STK24: variants seen among roughly 807,000 people sequenced by gnomAD.
STK24 encodes the protein serine/threonine kinase 24.
In STK24, 21 loss-of-function variants were observed where a neutral mutation model predicts 55.6. The ratio of observed to expected loss-of-function variants is 0.38; its 90% CI spans 0.27 to 0.54. The LOEUF (loss-of-function observed/expected upper bound fraction) is 0.54, where lower values mean the gene tolerates loss of function less well. STK24 is among the 20% of genes least tolerant of loss of function. The pLI is 0.79. For synonymous variants in STK24, 200 were observed against 215.2 expected (o/e 0.93, Z 0.62); for missense variants, 383 against 538.4 (o/e 0.71, Z 2.86).
At chr13:98,511,901 A>ATTTT (rs10641055) in intron 2 of STK24, among the ~76,000 whole-genome samples, 3,568 of 141,160 alleles carry the variant, frequency 0.025, 159 homozygotes, top group African/African-American at 0.089. Flanking sequence ...TTTTACAGTA[A>ATTTT]TTTTTTTTTT....
intron 1 of STK24, among the ~76,000 whole-genome samples, chr13:98,575,605 A>C (rs1336978972): frequency 6.6e-6 from 1 of 152,226 alleles, no homozygotes; most frequent in East Asian, 1.9e-4. Flanking sequence ...CCCCAGAGGC[A>C]GTCCCAGGTC....
chr13:98,456,326 AT>A (rs1893451845), intron 10 of STK24: 1 of 362,658 alleles, frequency 2.8e-6, no homozygotes, highest in African/African-American at 2.1e-5. Context: ...AGACCCAGAA[AT>A]CCCCCTCATG....
rs1892959392 is a variant in STK24 at position 98,447,961 on chromosome 13, A to G, written c.*5212T>C. The stretch of plus-strand genomic sequence containing the variant: ...GGAGGTAGCGTTCTCCCCAGCAACC[A>G]GAGGCCACCTCGCTCCTAACTGCTC... On this transcript the variant is annotated 3_prime_UTR_variant, in exon 11 of 11. Coordinates refer to ENST00000539966, the MANE Select transcript of STK24 (RefSeq NM_001032296.4). The G allele has an allele frequency of 2.0e-6, 1 of 489,046 alleles. No individual in the cohort carries two copies. The highest frequency in any genetic ancestry group is 3.7e-5 in the Admixed American group (1 of 27,290). 30.3% of individuals were successfully genotyped at this position (489,046 alleles called of 1,614,324 possible). A position where few individuals can be genotyped will look rare whatever the true frequency, so the allele number is the denominator to read the frequency against.
intron 2 of STK24, among the ~76,000 whole-genome samples, chr13:98,506,045 A>T (rs1336651386): frequency 6.6e-6 from 1 of 152,250 alleles, no homozygotes; most frequent in Non-Finnish European, 1.5e-5. Context: ...GAAAAAGCTT[A>T]CCTACAAATT....
chr13:98,555,320 G>A (rs1260784549), intron 1 of STK24, among the ~76,000 whole-genome samples: 14 of 151,918 alleles, frequency 9.2e-5, no homozygotes, highest in Non-Finnish European at 2.1e-4. Context: ...AGTGGCTCAC[G>A]CCTGTAATCC....
rs767823502 is a variant in STK24, at chr13:98,453,202, G to C, written c.1267C>G (p.Leu423Val). ...TGGGATGAAGTTCCTCCACCACTTA[G>C]AGAGTATCTAGGGAAAAAGAGAGAG... ...QLVQRLQRYS[L>V]SGGGTSSH The change falls in exon 11 of 11, where the codon CTA becomes GTA. Residue 423 changes from leucine (L) to valine (V), a missense_variant. By Grantham distance (32) the Leu-to-Val change is conservative. Coordinates refer to ENST00000539966, the MANE Select transcript of STK24 (RefSeq NM_001032296.4). 18 of 1,613,284 alleles carry C rather than the reference G, an allele frequency of 1.1e-5. No individual in the cohort carries two copies. The highest frequency in any genetic ancestry group is 1.5e-5 in the Non-Finnish European group (18 of 1,179,752).
At chr13:98,553,527 CT>C in intron 1 of STK24, 1 of 176,522 alleles carries the variant, frequency 5.7e-6, no homozygotes, top group Non-Finnish European at 1.3e-5. Context: ...AAGAGGCCTC[CT>C]TTGGCCTTTT....
chr13:98,510,123 T>C (rs1164179587), intron 2 of STK24, among the ~76,000 whole-genome samples: 1 of 152,226 alleles, frequency 6.6e-6, no homozygotes, highest in African/African-American at 2.4e-5. Flanking sequence ...CCAACCACAT[T>C]ACCCCAGGAC....
chr13:98,557,598 T>C (rs1217418382), intron 1 of STK24, among the ~76,000 whole-genome samples: 1 of 152,206 alleles, frequency 6.6e-6, no homozygotes. Context: ...CCTCCTTCCT[T>C]TCCAGTCTAA....
At chr13:98,547,980 C>T (rs1052963751) in intron 1 of STK24, among the ~76,000 whole-genome samples, 4 of 152,172 alleles carry the variant, frequency 2.6e-5, no homozygotes. Context: ...AAGCCCTCCC[C>T]TCTCTCCCTT....
intron 1 of STK24, among the ~76,000 whole-genome samples, chr13:98,523,275 T>A (rs1158374003): frequency 6.6e-6 from 1 of 151,934 alleles, no homozygotes; most frequent in Admixed American, 6.6e-5. Flanking sequence ...ATACTAAGAG[T>A]GGCCTTTCCT....
At position 98,519,250 on chromosome 13, in the gene STK24, T is replaced by G. The variant is rs533468847; in HGVS notation, c.266A>C (p.Tyr89Ser). The G allele has an allele frequency of 3.6e-5, 58 of 1,613,774 alleles. 2 individuals are homozygous for G. The South Asian group carries it at 5.8e-4, about 16-fold the overall frequency. ...SPYVTKYYGS[Y>S]LKDTKLWIIM... ...CGTTATTTTAAGCCTTACCTTCAGA[T>G]AGGATCCATAATATTTGGTTACATA... is the stretch of plus-strand genomic sequence containing the variant. Residue 89 changes from tyrosine (Y) to serine (S), a missense_variant, in exon 2 of 11, where the codon TAT becomes TCT. Tyr to Ser is a moderately radical substitution (Grantham distance 144, BLOSUM62 -2). Coordinates refer to ENST00000539966, the MANE Select transcript of STK24 (RefSeq NM_001032296.4).
At chr13:98,535,399 AC>A (rs1594649224) in intron 1 of STK24, among the ~76,000 whole-genome samples, 2 of 428 alleles carry the variant, frequency 4.7e-3, no homozygotes, top group East Asian at 0.17. Context: ...ATGTGTGTAT[AC>A]ACACACACAC....
intron 1 of STK24, among the ~76,000 whole-genome samples, chr13:98,542,136 T>C (rs1471977041): frequency 6.6e-6 from 1 of 152,192 alleles, no homozygotes; most frequent in Non-Finnish European, 1.5e-5. Context: ...CAAGACTGCG[T>C]TATTTTCTGG....
At chr13:98,475,494 T>C in intron 3 of STK24, 136 bp from the exon 4 acceptor site, 2 of 619,228 alleles carry the variant, frequency 3.2e-6, no homozygotes, top group Non-Finnish European at 5.4e-6. Flanking sequence ...AAACACATGA[T>C]TTTGCCCTAA....
rs561314118 is a variant in STK24 at position 98,551,429 on chromosome 13, G to C, written c.42+25316C>G. 2.6e-5 allele frequency among the ~76,000 whole-genome samples: 4 copies of C among 151,738 alleles called. No individual in the cohort carries two copies. In the South Asian group the frequency reaches 8.3e-4, roughly 32 times the overall value. ...TTATCTAATCCATTAAGGAGACTTG[G>C]AACCCCCGTCATACTTTCTCTTTTT... is the stretch of plus-strand genomic sequence containing the variant. On this transcript the variant is annotated intron_variant, in intron 1 of 10. Coordinates refer to ENST00000539966, the MANE Select transcript of STK24 (RefSeq NM_001032296.4).
At chr13:98,454,835 A>T (rs971430309) in intron 10 of STK24, 1 of 152,278 alleles carries the variant, frequency 6.6e-6, no homozygotes, top group Non-Finnish European at 1.5e-5. Flanking sequence ...TAAGCACCTC[A>T]AGAGGCAGCT....
intron 1 of STK24, among the ~76,000 whole-genome samples, chr13:98,544,692 G>C (rs570316972): frequency 3.4e-4 from 52 of 152,342 alleles, no homozygotes; most frequent in African/African-American, 1.2e-3. Context: ...AGGAAAGACA[G>C]TGGTGAAAAA....
At chr13:98,474,774 C>T (rs761765447) in intron 5 of STK24, 47 bp downstream of exon 5, 4 of 1,542,706 alleles carry the variant, frequency 2.6e-6, no homozygotes, top group Non-Finnish European at 3.5e-6. Context: ...AAGGCGGGAG[C>T]CCTCCAGGCC....
Sources: gnomAD v4.1 joint callset for allele counts (sites outside exome capture counted in the v4.1 genomes callset) on GRCh38, gnomAD v4.1.1 for gene constraint, MANE v1.5 for transcripts, NCBI Gene and HGNC (gene_info 2026-07-23, HGNC 2026-07-21) for gene names.